Variants in PRPF18 observed in about 807,000 individuals in gnomAD.
PRPF18 encodes pre-mRNA processing factor 18, also known as pre-mRNA-splicing factor 18.
In PRPF18, 38 loss-of-function variants were observed where a neutral mutation model predicts 46.5. The observed-to-expected ratio is 0.82, with a 90% CI of 0.63 to 1.07. PRPF18 has a LOEUF of 1.07. PRPF18 is among the 50% of genes least tolerant of loss of function. PRPF18 has a pLI of 0.00. For synonymous variants in PRPF18, 152 were observed against 146.7 expected (o/e 1.04, Z -0.26); for missense variants, 263 against 410.0 (o/e 0.64, Z 3.10).
At chr10:13,591,522 G>T (rs2079961089) in intron 1 of PRPF18, 2 of 722,140 alleles carry the variant, frequency 2.8e-6, no homozygotes, top group African/African-American at 1.8e-5. Context: ...AGGTAGTCCT[G>T]GAGCTTAGGA....
downstream of PRPF18, among the ~76,000 whole-genome samples, chr10:13,632,257 C>T (rs1220049738): frequency 1.3e-5 from 2 of 152,142 alleles, no homozygotes; most frequent in East Asian, 1.9e-4. Flanking sequence ...AGGAGAATGG[C>T]GTGAACCCAG....
chr10:13,642,012 ATTC>A, the PRPF18 span: 1 of 149,826 alleles, frequency 6.7e-6, no homozygotes, highest in African/African-American at 2.5e-5. Context: ...ACACTGTGTT[ATTC>A]TTCTGAATGC....
chr10:13,614,449 A>G (rs144641596), intron 8 of PRPF18, among the ~76,000 whole-genome samples: 3 of 152,334 alleles, frequency 2.0e-5, no homozygotes, highest in African/African-American at 4.8e-5. Flanking sequence ...ACAACGTTGT[A>G]TAGATGAGTT....
intron 9 of PRPF18, among the ~76,000 whole-genome samples, chr10:13,627,363 T>C (rs1444131000): frequency 6.6e-6 from 1 of 152,218 alleles, no homozygotes; most frequent in Non-Finnish European, 1.5e-5. Flanking sequence ...GTATGTATAG[T>C]AGGCACTGAA....
the PRPF18 span, among the ~76,000 whole-genome samples, chr10:13,650,494 G>GGTTAATTCTACTTCT: frequency 6.6e-6 from 1 of 152,170 alleles, no homozygotes; most frequent in Non-Finnish European, 1.5e-5. Context: ...TTTCAAACCT[G>GGTTAATTCTACTTCT]GTTAATTCTA....
At chr10:13,616,312 T>C in intron 8 of PRPF18, 86 bp from the exon 9 acceptor site, 9 of 1,371,202 alleles carry the variant, frequency 6.6e-6, no homozygotes, top group Non-Finnish European at 9.0e-6. Context: ...AATTACATCA[T>C]AAAGGGCTGT....
intron 4 of PRPF18, among the ~76,000 whole-genome samples, chr10:13,609,198 C>T (rs765042520): frequency 1.1e-4 from 16 of 152,144 alleles, no homozygotes; most frequent in African/African-American, 3.1e-4. Context: ...AGCTTACTTG[C>T]GTGACTTGAT....
At chr10:13,600,079 C>G (rs1475771397) in intron 2 of PRPF18, among the ~76,000 whole-genome samples, 165 bp from the exon 3 acceptor site, 5 of 152,194 alleles carry the variant, frequency 3.3e-5, no homozygotes, top group South Asian at 2.1e-4. Flanking sequence ...ACGTTTGACT[C>G]TCTTTTGTAA....
downstream of PRPF18, among the ~76,000 whole-genome samples, chr10:13,633,830 T>C (rs1304295719): frequency 6.6e-6 from 1 of 152,192 alleles, no homozygotes; most frequent in East Asian, 1.9e-4. Context: ...TGAAAAGTAC[T>C]TTCTCACGGT....
chr10:13,653,305 G>A, the PRPF18 span: 2 of 152,306 alleles, frequency 1.3e-5, no homozygotes, highest in Non-Finnish European at 2.9e-5. Flanking sequence ...CCTGAGGTCA[G>A]GAGTTCGAGA....
At position 13,630,723 on chromosome 10, in the gene PRPF18, C is replaced by A. The variant is rs1273803172; in HGVS notation, c.*383C>A. ...ATTTCAGTAAAATATTATAATTTGC[C>A]TATTGTCTTTTATGTAATATTTATA... On this transcript the variant is annotated 3_prime_UTR_variant, in exon 10 of 10. Coordinates refer to ENST00000378572, the MANE Select transcript of PRPF18 (RefSeq NM_003675.4). 1 of 151,914 alleles carries A rather than the reference C, an allele frequency of 6.6e-6. No homozygotes were observed. Among genetic ancestry groups the A allele is most frequent in the Non-Finnish European group, 1.5e-5 (1 of 68,068 alleles). The allele number at this position is 151,914 out of a possible 1,614,324, so 9.4% of individuals were successfully genotyped here. A position where few individuals can be genotyped will look rare whatever the true frequency, so the allele number is the denominator to read the frequency against.
the PRPF18 span, chr10:13,654,479 G>T: frequency 9.3e-5 from 150 of 1,613,664 alleles, no homozygotes; most frequent in Admixed American, 3.0e-4. Flanking sequence ...TTCACTTGAC[G>T]GTGTCGAGCT....
intron 5 of PRPF18, among the ~76,000 whole-genome samples, chr10:13,611,156 A>G (rs1033692322): frequency 1.2e-4 from 18 of 150,200 alleles, no homozygotes; most frequent in Non-Finnish European, 2.5e-4. Flanking sequence ...AAATTTTACT[A>G]AAATAATTGG....
intron 4 of PRPF18, among the ~76,000 whole-genome samples, chr10:13,607,981 C>G (rs535933304): frequency 1.3e-5 from 2 of 152,262 alleles, no homozygotes; most frequent in African/African-American, 4.8e-5. Flanking sequence ...TTTGGCCTTG[C>G]TAACTTTTTA....
chr10:13,628,298 A>T (rs2080540230), intron 9 of PRPF18, among the ~76,000 whole-genome samples: 1 of 152,182 alleles, frequency 6.6e-6, no homozygotes, highest in Admixed American at 6.5e-5. Context: ...CTGATGTGGA[A>T]TCTGTTAGAT....
chr10:13,600,455 C>G (rs2133356839), intron 3 of PRPF18, 107 bp downstream of exon 3: 1 of 788,802 alleles, frequency 1.3e-6, no homozygotes, highest in East Asian at 3.1e-5. Flanking sequence ...CGTAAAATGA[C>G]TTATCTAAAA....
chr10:13,619,241 A>G (rs2133876790), intron 9 of PRPF18, among the ~76,000 whole-genome samples: 1 of 152,376 alleles, frequency 6.6e-6, no homozygotes, highest in East Asian at 1.9e-4. Flanking sequence ...TTCCTGCTAT[A>G]GAAAATGGTA....
chr10:13,655,385 G>C, the PRPF18 span: 1 of 152,236 alleles, frequency 6.6e-6, no homozygotes, highest in South Asian at 2.1e-4. Context: ...TAGGGTCACA[G>C]AATGATCATA....
At chr10:13,652,093 C>T in the PRPF18 span, 1 of 721,852 alleles carries the variant, frequency 1.4e-6, no homozygotes, top group East Asian at 2.5e-5. Flanking sequence ...GCTGATTAGA[C>T]ACCTGAGTTA....
Sources: gnomAD v4.1 joint callset for allele counts (sites outside exome capture counted in the v4.1 genomes callset) on GRCh38, gnomAD v4.1.1 for gene constraint, MANE v1.5 for transcripts, NCBI Gene and HGNC (gene_info 2026-07-23, HGNC 2026-07-21) for gene names.